Variants in GALNT1 observed in about 807,000 individuals in gnomAD.
GALNT1 encodes the protein GalNAc transferase 1.
In GALNT1, 17 loss-of-function variants were observed where a neutral mutation model predicts 65.7. The observed-to-expected ratio is 0.26, with a 90% CI of 0.18 to 0.39. GALNT1 has a LOEUF of 0.39. GALNT1 is among the 10% of genes least tolerant of loss of function. The pLI is 1.00. For synonymous variants in GALNT1, 210 were observed against 219.7 expected (o/e 0.96, Z 0.39); for missense variants, 460 against 672.8 (o/e 0.68, Z 3.50).
chr18:35,589,136 C>A (rs1387599103), intron 1 of GALNT1, among the ~76,000 whole-genome samples: 2 of 152,104 alleles, frequency 1.3e-5, no homozygotes, highest in African/African-American at 4.8e-5. Context: ...GTACAGGCTC[C>A]CCACTTGGCC....
At chr18:35,686,954 C>T (rs569749619) in intron 5 of GALNT1, 62 bp from the exon 6 acceptor site, 5 of 1,468,094 alleles carry the variant, frequency 3.4e-6, no homozygotes, top group Non-Finnish European at 4.7e-6. Flanking sequence ...TACAATTGTT[C>T]TGTAGTTGGC....
chr18:35,614,034 A>G (rs941465798), intron 1 of GALNT1, among the ~76,000 whole-genome samples: 1 of 152,208 alleles, frequency 6.6e-6, no homozygotes, highest in Non-Finnish European at 1.5e-5. Flanking sequence ...AATTTAAAAA[A>G]CCAAAAACAC....
intron 3 of GALNT1, among the ~76,000 whole-genome samples, chr18:35,676,836 AAAG>A (rs2047718254): frequency 6.6e-6 from 1 of 152,226 alleles, no homozygotes; most frequent in African/African-American, 2.4e-5. Context: ...AACAAGGTTG[AAAG>A]AAGAGACCAT....
At chr18:35,638,691 T>G (rs2047124314) in intron 1 of GALNT1, among the ~76,000 whole-genome samples, 1 of 152,194 alleles carries the variant, frequency 6.6e-6, no homozygotes, top group Non-Finnish European at 1.5e-5. Flanking sequence ...TCTACAATTT[T>G]TCCCACCACA....
intron 1 of GALNT1, among the ~76,000 whole-genome samples, chr18:35,593,527 G>C (rs2046469758): frequency 6.6e-6 from 1 of 152,044 alleles, no homozygotes; most frequent in African/African-American, 2.4e-5. Flanking sequence ...AGTCAGGGTA[G>C]TAAGGTATAT....
chr18:35,666,764 A>G (rs902645411), intron 3 of GALNT1, among the ~76,000 whole-genome samples: 1 of 152,154 alleles, frequency 6.6e-6, no homozygotes, highest in Admixed American at 6.6e-5. Flanking sequence ...CAAGTTTCAC[A>G]CTTGAAGACT....
intron 3 of GALNT1, among the ~76,000 whole-genome samples, chr18:35,669,319 C>G (rs572104111): frequency 4.7e-4 from 71 of 152,218 alleles, no homozygotes; most frequent in African/African-American, 1.6e-3. Flanking sequence ...ATGGCTTTGC[C>G]AATGAAAATG....
At chr18:35,665,462 T>C (rs2047536461) in intron 3 of GALNT1, among the ~76,000 whole-genome samples, 1 of 152,102 alleles carries the variant, frequency 6.6e-6, no homozygotes, top group African/African-American at 2.4e-5. Flanking sequence ...TCCACAAAAT[T>C]TTCCATAACT....
chr18:35,609,612 A>G (rs2046691974), intron 1 of GALNT1, among the ~76,000 whole-genome samples: 1 of 152,194 alleles, frequency 6.6e-6, no homozygotes, highest in Non-Finnish European at 1.5e-5. Flanking sequence ...TCTTGGCATC[A>G]TAGATGTTGG....
At chr18:35,586,582 T>G (rs1333716401) in intron 1 of GALNT1, among the ~76,000 whole-genome samples, 2 of 152,186 alleles carry the variant, frequency 1.3e-5, no homozygotes, top group Non-Finnish European at 1.5e-5. Context: ...ATCCAGTTTA[T>G]GAAGCTGAGA....
At chr18:35,683,329 A>T in intron 4 of GALNT1, 62 bp from the exon 5 acceptor site, 1 of 1,337,160 alleles carries the variant, frequency 7.5e-7, no homozygotes, top group Non-Finnish European at 1.0e-6. Flanking sequence ...AATCAAAATT[A>T]CTTTCATCTG....
chr18:35,704,311 CTTTT>C (rs111370047), intron 11 of GALNT1, among the ~76,000 whole-genome samples: 2 of 141,074 alleles, frequency 1.4e-5, no homozygotes. Context: ...AAACAGATGA[CTTTT>C]TTTTTTTTTT....
intron 3 of GALNT1, among the ~76,000 whole-genome samples, chr18:35,666,108 G>C (rs886368275): frequency 7.9e-5 from 12 of 152,122 alleles, no homozygotes; most frequent in African/African-American, 2.4e-4. Flanking sequence ...AGTAGATTTA[G>C]ACAATTGATA....
At chr18:35,631,029 C>G (rs1432302427) in intron 1 of GALNT1, among the ~76,000 whole-genome samples, 1 of 151,012 alleles carries the variant, frequency 6.6e-6, no homozygotes, top group East Asian at 1.9e-4. Flanking sequence ...CTGAATAGAT[C>G]AATAACAGGC....
intron 4 of GALNT1, 130 bp downstream of exon 4, chr18:35,677,887 G>A: frequency 1.6e-6 from 1 of 643,240 alleles, no homozygotes; most frequent in Non-Finnish European, 2.5e-6. Context: ...ATGGCATTTG[G>A]ATTCATTCAC....
At chr18:35,649,852 T>C (rs142174370) in intron 1 of GALNT1, among the ~76,000 whole-genome samples, 1,572 of 152,348 alleles carry the variant, frequency 0.01, 13 homozygotes, top group Admixed American at 0.015. Flanking sequence ...GGACTGTATA[T>C]GTGTGGATCT....
intron 3 of GALNT1, chr18:35,664,320 T>A (rs1250440797): frequency 6.7e-6 from 1 of 149,310 alleles, no homozygotes; most frequent in Non-Finnish European, 1.5e-5. Flanking sequence ...TTTGTCTCTT[T>A]TTGAACTTTT....
At chr18:35,592,165 G>A (rs12960283) in intron 1 of GALNT1, among the ~76,000 whole-genome samples, 7 of 152,124 alleles carry the variant, frequency 4.6e-5, no homozygotes, top group African/African-American at 7.2e-5. Context: ...TTACAGTTAC[G>A]GGCCCGGATG....
chr18:35,705,277 A>G (rs1244005842), intron 11 of GALNT1, among the ~76,000 whole-genome samples: 2 of 152,160 alleles, frequency 1.3e-5, no homozygotes, highest in African/African-American at 4.8e-5. Context: ...CATCACTTCC[A>G]TGAATCCTAA....
Sources: gnomAD v4.1 joint callset for allele counts (sites outside exome capture counted in the v4.1 genomes callset) on GRCh38, gnomAD v4.1.1 for gene constraint, MANE v1.5 for transcripts, NCBI Gene and HGNC (gene_info 2026-07-23, HGNC 2026-07-21) for gene names.